The following CPXM2 variants were observed in gnomAD, a reference collection of about 807,000 sequenced individuals.
The protein encoded by CPXM2 is inactive carboxypeptidase-like protein X2.
Under a neutral mutation model 86.1 loss-of-function variants are expected in CPXM2, and 66 were observed. The ratio of observed to expected loss-of-function variants is 0.77; its 90% confidence interval spans 0.63 to 0.94. The LOEUF (loss-of-function observed/expected upper bound fraction) is 0.94, where lower values mean the gene tolerates loss of function less well. Among genes scored for constraint, CPXM2 ranks in the 40% least tolerant of loss-of-function variants. The pLI is 0.00. For missense variants in CPXM2, 948 were observed against 1,026.3 expected, an observed-to-expected ratio of 0.92 and a Z score of 1.04; for synonymous variants, 388 against 400.2, an observed-to-expected ratio of 0.97 and a Z score of 0.36.
At chr10:123,770,692 GGAGAA>G (rs1185516979) in intron 8 of CPXM2, among the ~76,000 whole-genome samples, 1 of 152,174 alleles carries the variant, frequency 6.6e-6, no homozygotes, top group African/African-American at 2.4e-5. Flanking sequence ...TGCTCCATTT[GGAGAA>G]AAGATGGGTA....
At chr10:123,837,232 G>A (rs1403214306) in intron 4 of CPXM2, among the ~76,000 whole-genome samples, 1 of 152,182 alleles carries the variant, frequency 6.6e-6, no homozygotes. Flanking sequence ...CCGTCCTTGT[G>A]CTCTCAGGCA....
At chr10:123,931,183 G>A (rs1216653216) in intron 2 of CPXM2, among the ~76,000 whole-genome samples, 1 of 152,192 alleles carries the variant, frequency 6.6e-6, no homozygotes, top group Non-Finnish European at 1.5e-5. Flanking sequence ...AGCCTCAGCT[G>A]TCTGGCAATT....
At chr10:123,860,056 G>T (rs1322552758) in intron 3 of CPXM2, among the ~76,000 whole-genome samples, 1 of 152,166 alleles carries the variant, frequency 6.6e-6, no homozygotes, top group Non-Finnish European at 1.5e-5. Context: ...GCAAGCAGGA[G>T]AAACAAGGCC....
intron 2 of CPXM2, among the ~76,000 whole-genome samples, chr10:123,877,075 T>C (rs1023920119): frequency 1.3e-5 from 2 of 152,170 alleles, no homozygotes; most frequent in African/African-American, 4.8e-5. Flanking sequence ...TTGGGACACA[T>C]GTAAAAAACA....
At position 123,909,886 on chromosome 10, in the gene CPXM2, A is replaced by G. The variant is rs111670590; in HGVS notation, n.175-29577T>C. Among the ~76,000 whole-genome samples the G allele has an allele frequency of 2.4e-3, 370 of 152,298 alleles. 4 individuals carry two copies. Among genetic ancestry groups the G allele is most frequent in the African/African-American group, 8.0e-3 (334 of 41,568 alleles). ...GGCCATGGAGCAGTGCCCTCAACACAATCTCATGCCAACATTTAGTCCCTC... is the reference window on the plus strand; with the variant it reads ...GGCCATGGAGCAGTGCCCTCAACACGATCTCATGCCAACATTTAGTCCCTC... On this transcript the variant is annotated intron_variant and non_coding_transcript_variant, in intron 2 of 19. Coordinates refer to the CPXM2 transcript ENST00000368854.
intron 6 of CPXM2, among the ~76,000 whole-genome samples, chr10:123,794,734 C>CGTGT (rs142855432): frequency 0.078 from 10,958 of 141,160 alleles, 426 homozygotes; most frequent in Middle Eastern, 0.093. Context: ...TATTTAAGAC[C>CGTGT]GTGTGTGTGT....
chr10:123,810,844 A>G (rs891718380), intron 4 of CPXM2, among the ~76,000 whole-genome samples: 9 of 152,144 alleles, frequency 5.9e-5, no homozygotes, highest in South Asian at 2.1e-4. Context: ...TAGCCAAGAT[A>G]CTTTATGAGA....
intron 2 of CPXM2, among the ~76,000 whole-genome samples, chr10:123,899,885 A>G (rs567093267): frequency 1.3e-5 from 2 of 152,358 alleles, no homozygotes; most frequent in South Asian, 4.1e-4. Context: ...TTGTTAAATA[A>G]AAACCTCAGA....
chr10:123,767,303 T>C, intron 9 of CPXM2, 151 bp from the exon 10 acceptor site: 1 of 668,616 alleles, frequency 1.5e-6, no homozygotes, highest in Admixed American at 2.9e-5. Flanking sequence ...TAAAGGAGAA[T>C]ATTGAAAAAC....
chr10:123,806,134 C>T (rs1299761029), intron 4 of CPXM2, among the ~76,000 whole-genome samples: 2 of 152,088 alleles, frequency 1.3e-5, no homozygotes, highest in Non-Finnish European at 2.9e-5. Flanking sequence ...GCTTGAAGAG[C>T]GCCTTTGCTA....
At chr10:123,870,175 A>T (rs1386699792) in intron 2 of CPXM2, among the ~76,000 whole-genome samples, 1 of 135,236 alleles carries the variant, frequency 7.4e-6, no homozygotes, top group Non-Finnish European at 1.6e-5. Flanking sequence ...AGGGATGCCG[A>T]ACACAGTTCA....
At chr10:123,904,782 C>T (rs1187388238) in intron 2 of CPXM2, among the ~76,000 whole-genome samples, 2 of 148,050 alleles carry the variant, frequency 1.4e-5, no homozygotes, top group Non-Finnish European at 3.0e-5. Flanking sequence ...CCTACCTTCT[C>T]ATCAGGCATT....
chr10:123,875,474 G>A (rs991288265), intron 2 of CPXM2, among the ~76,000 whole-genome samples: 6 of 152,162 alleles, frequency 3.9e-5, no homozygotes, highest in Non-Finnish European at 1.5e-5. Flanking sequence ...AGAATCAGGG[G>A]TCTGGGAATA....
chr10:123,819,650 T>G (rs1847884947), intron 4 of CPXM2, among the ~76,000 whole-genome samples: 1 of 152,194 alleles, frequency 6.6e-6, no homozygotes, highest in African/African-American at 2.4e-5. Context: ...GTAATAGTAT[T>G]TGGGCTGGGG....
intron 1 of CPXM2, among the ~76,000 whole-genome samples, chr10:123,886,058 G>C (rs762355192): frequency 5.3e-5 from 8 of 152,200 alleles, no homozygotes; most frequent in Non-Finnish European, 1.2e-4. Flanking sequence ...TTTGGAAATG[G>C]AGGTGGTGTC....
intron 2 of CPXM2, among the ~76,000 whole-genome samples, chr10:123,925,425 A>G (rs2134282196): frequency 6.6e-6 from 1 of 152,368 alleles, no homozygotes; most frequent in South Asian, 2.1e-4. Context: ...CTAAATCTGC[A>G]AAACACATTG....
intron 6 of CPXM2, among the ~76,000 whole-genome samples, chr10:123,795,568 T>C (rs1399308437): frequency 6.6e-6 from 1 of 152,092 alleles, no homozygotes; most frequent in Non-Finnish European, 1.5e-5. Context: ...TACAAAGGAA[T>C]CTCCCTAGCA....
At chr10:123,896,784 G>C (rs527506444), upstream of CPXM2, among the ~76,000 whole-genome samples, 1 of 152,206 alleles carries the variant, frequency 6.6e-6, no homozygotes, top group Non-Finnish European at 1.5e-5. Context: ...GGAGCCTGCT[G>C]AGCGGCCTTG....
In CPXM2 at chr10:123,865,122, G is replaced by T. The variant is rs563261036; in HGVS notation, c.404-2399C>A. 3.9e-5 allele frequency among the ~76,000 whole-genome samples: 6 copies of T among 152,344 alleles called. No individual in the cohort carries two copies. In the South Asian group the frequency reaches 1.0e-3, roughly 26 times the overall value. ...CCCCTCCACCCACAGCACAGATGATGACTTTGGTGGGGGAGCCCAGATAAA... is the reference window on the plus strand; with the variant it reads ...CCCCTCCACCCACAGCACAGATGATTACTTTGGTGGGGGAGCCCAGATAAA... On this transcript the variant is annotated intron_variant, in intron 2 of 13. Coordinates refer to ENST00000241305, the MANE Select transcript of CPXM2 (RefSeq NM_198148.3). The surrounding 1 kb of genome is among the most constrained non-coding windows in gnomAD (Gnocchi z 4.7).
Sources: gnomAD v4.1 joint callset for allele counts (sites outside exome capture counted in the v4.1 genomes callset) on GRCh38, gnomAD v4.1.1 for gene constraint, Gnocchi (gnomAD v3.1) non-coding constraint, MANE v1.5 for transcripts, NCBI Gene and HGNC (gene_info 2026-07-23, HGNC 2026-07-21) for gene names.